Variants in MROH2A observed in about 807,000 individuals in gnomAD.
MROH2A encodes maestro heat-like repeat-containing protein family member 2A.
Under a neutral mutation model 200.4 loss-of-function variants are expected in MROH2A, and 174 were observed. The ratio of observed to expected loss-of-function variants is 0.87; its 90% CI spans 0.77 to 0.98. The LOEUF (loss-of-function observed/expected upper bound fraction) is 0.98, where lower values mean the gene tolerates loss of function less well. Among genes scored for constraint, MROH2A ranks in the 50% least tolerant of loss-of-function variants. The probability of loss-of-function intolerance (pLI) is 0.00; values close to 1 mark genes in which losing one functional copy is unlikely to be tolerated. For missense variants in MROH2A, 2,045 were observed against 2,139.6 expected (o/e 0.96, Z 0.87); for synonymous variants, 829 against 840.4 (o/e 0.99, Z 0.23).
At chr2:233,788,178 A>T (rs978542094) in intron 3 of MROH2A, among the ~76,000 whole-genome samples, 3 of 121,636 alleles carry the variant, frequency 2.5e-5, no homozygotes, top group East Asian at 2.0e-4. Context: ...TACATATATT[A>T]TATATATACA....
intron 30 of MROH2A, 39 bp downstream of exon 30, chr2:233,819,508 G>A (rs1256248127): frequency 1.2e-5 from 19 of 1,540,266 alleles, no homozygotes; most frequent in Non-Finnish European, 1.7e-5. Flanking sequence ...GAGAGGGGCT[G>A]GGGCTGCCTG....
intron 9 of MROH2A, 23 bp from the exon 10 acceptor site, chr2:233,795,944 C>T (rs995283450): frequency 2.4e-5 from 37 of 1,549,200 alleles, no homozygotes; most frequent in Non-Finnish European, 3.2e-5. Context: ...TCTCCTCCAG[C>T]CTCACTGCAC....
At chr2:233,781,399 G>A (rs1334636391) in intron 3 of MROH2A, among the ~76,000 whole-genome samples, 1 of 152,218 alleles carries the variant, frequency 6.6e-6, no homozygotes, top group South Asian at 2.1e-4. Context: ...GCTAGCATCT[G>A]TTATTTTCTA....
rs1410469630 is a variant in MROH2A, at chr2:233,787,809, TA to T, written c.277-1687del. On this transcript the variant is annotated intron_variant, in intron 3 of 41. Transcript: ENST00000389758. The stretch of plus-strand genomic sequence containing the variant: ...TATCATATATAATATATATTATATA[TA>T]TTATATATAATATATATTATATATA... Among the ~76,000 whole-genome samples the T allele has an allele frequency of 2.0e-4, 2 of 10,244 alleles. 1 individual carries two copies. Among genetic ancestry groups the T allele is most frequent in the Non-Finnish European group, 2.8e-4 (2 of 7,068 alleles). 6.7% of individuals were successfully genotyped at this position (10,244 alleles called of 152,430 possible).
rs951859858 is a variant in MROH2A at position 233,788,862 on chromosome 2, C to G, written c.277-635C>G. Reference sequence around the variant, plus strand: ...GCTGAGGCAGGAGAATGGCGTGAACCCGGGAGGCAGAGCTTGCAGTGAGGC... The same window carrying G: ...GCTGAGGCAGGAGAATGGCGTGAACGCGGGAGGCAGAGCTTGCAGTGAGGC... On this transcript the variant is annotated intron_variant, in intron 3 of 41. Coordinates refer to ENST00000389758, the MANE Select transcript of MROH2A (RefSeq NM_001394639.1). Among the ~76,000 whole-genome samples the G allele has an allele frequency of 3.5e-5, 5 of 142,208 alleles. No individual in the cohort carries two copies. In the South Asian group the frequency reaches 8.9e-4, roughly 25 times the overall value. 93.3% of individuals were successfully genotyped at this position (142,208 alleles called of 152,430 possible).
chr2:233,829,427 G>A (rs1559486297), intron 37 of MROH2A, among the ~76,000 whole-genome samples, 193 bp from the exon 38 acceptor site: 1 of 152,120 alleles, frequency 6.6e-6, no homozygotes, highest in African/African-American at 2.4e-5. Context: ...GGGAAGAGGC[G>A]GGCACAAAGA....
chr2:233,789,429 G>C, intron 3 of MROH2A, 68 bp from the exon 4 acceptor site: 2 of 1,302,526 alleles, frequency 1.5e-6, no homozygotes. Context: ...GAGGACAGTG[G>C]GAGAGAGAGG....
intron 8 of MROH2A, among the ~76,000 whole-genome samples, chr2:233,794,993 T>A (rs930855704): frequency 2.6e-5 from 4 of 152,206 alleles, no homozygotes; most frequent in African/African-American, 9.7e-5. Context: ...CCCTTCCTCA[T>A]TGCGTGGCCT....
At chr2:233,803,632 C>T in intron 16 of MROH2A, 144 bp downstream of exon 16, 1 of 838,170 alleles carries the variant, frequency 1.2e-6, no homozygotes, top group South Asian at 1.8e-5. Context: ...CAGGACAGAT[C>T]ATTCCATGTC....
chr2:233,830,972 G>C (rs962984090), intron 38 of MROH2A, among the ~76,000 whole-genome samples: 1 of 152,240 alleles, frequency 6.6e-6, no homozygotes, highest in Admixed American at 6.5e-5. Flanking sequence ...GGGCTACCGA[G>C]ACAGAAGCAT....
In MROH2A at chr2:233,820,846, A is replaced by G. The variant is rs1055093504; in HGVS notation, c.3512+790A>G. ...GGGCTGACCTGCCCGAAATGCAGGC[A>G]TGACTCCCCTGTGGAGCTGCTTCTC... On this transcript the variant is annotated intron_variant, in intron 31 of 41. Coordinates refer to ENST00000389758, the MANE Select transcript of MROH2A (RefSeq NM_001394639.1). This position sits in a 1 kb window ranked among gnomAD's most constrained non-coding sequence, Gnocchi z 4.1. Among the ~76,000 whole-genome samples the G allele has an allele frequency of 3.9e-5, 6 of 152,188 alleles. No individual in the cohort carries two copies. The highest frequency in any genetic ancestry group is 5.9e-5 in the Non-Finnish European group (4 of 68,026).
Position 233,807,831 on chromosome 2 carries a change from G to C in MROH2A, c.2271G>C (p.Gln757His). 1 of 1,551,042 alleles carries C rather than the reference G, an allele frequency of 6.4e-7. No homozygotes were observed. ...AGGAGAGGATCCAGGAGTCAGAGCA[G>C]TCCTGGCAGATCAGTGCTTGGCGGG... The part of the protein sequence containing the change: ...DFEERIQESE[Q>H]SWQISAWRKD... Residue 757 changes from glutamine (Q) to histidine (H), a missense_variant, in exon 21 of 42, where the codon CAG becomes CAC. This residue lies in a region of MROH2A where 1,201 missense variants were observed against 1,311.3 expected (regional missense o/e 0.92). Transcript: ENST00000389758. This position sits in a 1 kb window ranked among gnomAD's most constrained non-coding sequence, Gnocchi z 4.3.
chr2:233,789,494 C>T lies in MROH2A; in HGVS notation c.277-3C>T. On this transcript the variant is annotated splice_polypyrimidine_tract_variant and splice_region_variant and intron_variant, in intron 3 of 41. Transcript: ENST00000389758. ...CATTCCACCCACCATACTTGTTTCC[C>T]AGATTTCCACCCAGCGCAAGGTCAA... 2 of 1,413,542 alleles carry T rather than the reference C, an allele frequency of 1.4e-6. No individual in the cohort carries two copies. Among genetic ancestry groups the T allele is most frequent in the Non-Finnish European group, 1.9e-6 (2 of 1,078,318 alleles). 87.6% of individuals were successfully genotyped at this position (1,413,542 alleles called of 1,614,324 possible).
chr2:233,818,793 G>C (rs1703730733), intron 29 of MROH2A, 23 bp downstream of exon 29: 40 of 1,462,088 alleles, frequency 2.7e-5, no homozygotes, highest in Non-Finnish European at 3.7e-5. Context: ...GAGCCTGCCT[G>C]GGCTGCCAGG....
chr2:233,810,797 A>T lies in MROH2A; in HGVS notation c.2452A>T (p.Ile818Phe). The T allele has an allele frequency of 1.2e-5, 19 of 1,550,236 alleles. No individual in the cohort carries two copies. Among genetic ancestry groups the T allele is most frequent in the Non-Finnish European group, 1.7e-5 (19 of 1,146,698 alleles). Residue 818 changes from isoleucine (I) to phenylalanine (F), a missense_variant, in exon 23 of 42, where the codon ATC becomes TTC. Transcript: ENST00000389758. ...CCTTTTCCCCTTCTGGGCTCAGGACATCTGTCTCAAAATGGCCTTCATGAA... is the reference window on the plus strand; with the variant it reads ...CCTTTTCCCCTTCTGGGCTCAGGACTTCTGTCTCAAAATGGCCTTCATGAA... Reference protein sequence around the residue: ...IHHYVSSCQDICLKMAFMKSV... With the variant: ...IHHYVSSCQDFCLKMAFMKSV...
rs1704052423 is a variant in MROH2A at position 233,823,002 on chromosome 2, G to A, written c.3988G>A (p.Val1330Met). The stretch of plus-strand genomic sequence containing the variant: ...GGACGGCGGGACATTCCTGGAGGGT[G>A]TGAGCCTGCTGGCCAGGTGGGCCCT... The part of the protein sequence containing the change: ...LQDGGTFLEG[V>M]SLLARLCMQH... The change falls in exon 34 of 42, where the codon GTG becomes ATG. Residue 1330 changes from valine (V) to methionine (M), a missense_variant. By Grantham distance (21) the Val-to-Met change is conservative. Transcript: ENST00000389758. The A allele has an allele frequency of 1.6e-5, 25 of 1,550,394 alleles. No individual in the cohort carries two copies. The highest frequency in any genetic ancestry group is 2.1e-5 in the Non-Finnish European group (24 of 1,146,952).
intron 30 of MROH2A, among the ~76,000 whole-genome samples, chr2:233,819,689 C>T (rs1703801647): frequency 6.6e-6 from 1 of 152,206 alleles, no homozygotes; most frequent in Non-Finnish European, 1.5e-5. Context: ...GATCAAGGTT[C>T]TCCTCCCCAG....
Position 233,804,050 on chromosome 2 carries a change from G to T in MROH2A, c.1750-1G>T. 6.4e-7 allele frequency: 1 copy of T among 1,550,456 alleles called. No individual in the cohort carries two copies. The highest frequency in any genetic ancestry group is 1.2e-5 in the South Asian group (1 of 84,058). On this transcript the variant is annotated splice_acceptor_variant, in intron 16 of 41. Coordinates refer to ENST00000389758, the MANE Select transcript of MROH2A (RefSeq NM_001394639.1). LOFTEE classifies it high-confidence loss of function. ...TTCACTGGAGCCTTGGTGCCCTCCAGGTGCTGATGTCATCACCTTACAAGG... is the reference window on the plus strand; with the variant it reads ...TTCACTGGAGCCTTGGTGCCCTCCATGTGCTGATGTCATCACCTTACAAGG...
In MROH2A at chr2:233,832,652, G is replaced by A; in HGVS notation, c.4903+8G>A. On this transcript the variant is annotated splice_region_variant and intron_variant, in intron 41 of 41. Coordinates refer to ENST00000389758, the MANE Select transcript of MROH2A (RefSeq NM_001394639.1). ...TCCCAGCATTACGGAATTGTGAGTAGTGGAGAGTGTTAGATGTTGAGTCCA... is the reference window on the plus strand; with the variant it reads ...TCCCAGCATTACGGAATTGTGAGTAATGGAGAGTGTTAGATGTTGAGTCCA... 1 of 1,542,766 alleles carries A rather than the reference G, an allele frequency of 6.5e-7. No homozygotes were observed. The highest frequency in any genetic ancestry group is 2.0e-5 in the Admixed American group (1 of 50,972).
Sources: allele counts gnomAD v4.1 joint callset (sites outside exome capture counted in the v4.1 genomes callset), GRCh38; gene constraint gnomAD v4.1.1; regional missense constraint gnomAD v4.1.1; non-coding constraint Gnocchi (gnomAD v3.1); transcripts MANE v1.5; gene names NCBI Gene and HGNC (gene_info 2026-07-23, HGNC 2026-07-21).